Variants in SLC30A8 observed in about 807,000 individuals in gnomAD.
The protein encoded by SLC30A8 is proton-coupled zinc antiporter SLC30A8.
SLC30A8 carries 27 observed loss-of-function variants against 36.9 expected under a neutral mutation model. The observed-to-expected ratio is 0.73, with a 90% CI of 0.54 to 1.01. The LOEUF (loss-of-function observed/expected upper bound fraction) is 1.01, where lower values mean the gene tolerates loss of function less well. Among genes scored for constraint, SLC30A8 ranks in the 50% least tolerant of loss-of-function variants. SLC30A8 has a pLI of 0.00. For synonymous variants in SLC30A8, 164 were observed against 172.4 expected, an observed-to-expected ratio of 0.95 and a Z score of 0.38; for missense variants, 439 against 452.0, an observed-to-expected ratio of 0.97 and a Z score of 0.26.
intron 1 of SLC30A8, among the ~76,000 whole-genome samples, chr8:117,003,185 C>G (rs573699200): frequency 1.8e-4 from 28 of 152,250 alleles, no homozygotes; most frequent in African/African-American, 6.7e-4. Flanking sequence ...AAAACTCAGG[C>G]CCGCTAAGAC....
intron 2 of SLC30A8, among the ~76,000 whole-genome samples, chr8:117,124,609 C>G (rs1795820100): frequency 6.7e-6 from 1 of 150,178 alleles, no homozygotes; most frequent in Middle Eastern, 3.2e-3. Flanking sequence ...CATCCAATTT[C>G]CAATCTCAAA....
intron 1 of SLC30A8, among the ~76,000 whole-genome samples, chr8:117,017,149 A>G (rs1288496841): frequency 6.6e-6 from 1 of 152,186 alleles, no homozygotes; most frequent in Non-Finnish European, 1.5e-5. Context: ...AGATTAAATT[A>G]GTTAATATAT....
intron 2 of SLC30A8, among the ~76,000 whole-genome samples, chr8:117,069,710 C>G (rs1818271198): frequency 6.6e-6 from 1 of 152,206 alleles, no homozygotes; most frequent in African/African-American, 2.4e-5. Context: ...CTTGAATTTT[C>G]AGACTTCTGT....
At chr8:116,979,865 C>T (rs531905981) in intron 1 of SLC30A8, among the ~76,000 whole-genome samples, 22 of 152,048 alleles carry the variant, frequency 1.4e-4, no homozygotes, top group Non-Finnish European at 2.4e-4. Context: ...CATTCTCTTG[C>T]AGCAGAAATA....
intron 2 of SLC30A8, among the ~76,000 whole-genome samples, chr8:117,097,677 AAT>A (rs1257938952): frequency 3.1e-5 from 1 of 31,760 alleles, no homozygotes; most frequent in Non-Finnish European, 4.0e-5. Context: ...AATTTTAAAT[AAT>A]ATATATTATA....
intron 2 of SLC30A8, among the ~76,000 whole-genome samples, chr8:117,074,841 C>G (rs765351861): frequency 1.3e-5 from 2 of 152,182 alleles, no homozygotes; most frequent in Non-Finnish European, 2.9e-5. Flanking sequence ...TTATCTGCCT[C>G]TATAAAATTG....
chr8:117,147,187 AC>A (rs1563626116), intron 2 of SLC30A8, 34 bp downstream of exon 2: 2 of 1,580,478 alleles, frequency 1.3e-6, no homozygotes, highest in African/African-American at 1.3e-5. Context: ...TCATTAAACA[AC>A]CAAACAAAAC....
chr8:117,053,087 G>C (rs559988247), intron 2 of SLC30A8, among the ~76,000 whole-genome samples: 91 of 152,024 alleles, frequency 6.0e-4, no homozygotes, highest in African/African-American at 2.1e-3. Context: ...CTAAGTTTTT[G>C]TATTTTTAGT....
chr8:117,043,647 A>G (rs1475189231), intron 2 of SLC30A8, among the ~76,000 whole-genome samples: 4 of 152,232 alleles, frequency 2.6e-5, no homozygotes, highest in Non-Finnish European at 5.9e-5. Flanking sequence ...ATAGAAAAAT[A>G]TAATACGGAT....
intron 2 of SLC30A8, among the ~76,000 whole-genome samples, chr8:117,062,176 G>A (rs1020318790): frequency 3.0e-4 from 46 of 152,200 alleles, no homozygotes; most frequent in Non-Finnish European, 1.5e-4. Flanking sequence ...TAGGGACAGA[G>A]GCAGTCTTAG....
chr8:117,135,625 G>A (rs1228823802), intron 1 of SLC30A8, among the ~76,000 whole-genome samples: 2 of 151,880 alleles, frequency 1.3e-5, no homozygotes, highest in Non-Finnish European at 1.5e-5. Context: ...ACATTTTACT[G>A]ATGTGTTTTT....
Position 117,175,427 on chromosome 8 carries a change from A to AAAT in SLC30A8, c.*2747_*2749dup, listed in dbSNP as rs540439363. The AAAT allele has an allele frequency of 1.5e-3, 223 of 152,226 alleles. 3 individuals carry two copies. The highest frequency in any genetic ancestry group is 5.2e-3 in the African/African-American group (218 of 41,558). The allele number at this position is 152,226 out of a possible 1,614,324, so 9.4% of individuals were successfully genotyped here. A position where few individuals can be genotyped will look rare whatever the true frequency, so the allele number is the denominator to read the frequency against. On this transcript the variant is annotated 3_prime_UTR_variant, in exon 8 of 8. Transcript: ENST00000456015. ...TTCCATATGTTTGGTTACAGATGGG[A>AAAT]AATGGGAATGTTGAAGGACATGAAA...
intron 1 of SLC30A8, among the ~76,000 whole-genome samples, chr8:117,005,316 A>T (rs377202449): frequency 6.6e-6 from 1 of 152,176 alleles, no homozygotes; most frequent in Non-Finnish European, 1.5e-5. Context: ...CACATAAATC[A>T]TATGTCTTTT....
intron 2 of SLC30A8, among the ~76,000 whole-genome samples, chr8:117,083,857 T>C (rs1204034186): frequency 6.6e-6 from 1 of 152,140 alleles, no homozygotes; most frequent in East Asian, 1.9e-4. Context: ...TAACCTATCC[T>C]GACTAATAAT....
intron 2 of SLC30A8, among the ~76,000 whole-genome samples, chr8:117,041,415 C>T (rs567565173): frequency 1.6e-4 from 24 of 152,166 alleles, no homozygotes; most frequent in Non-Finnish European, 3.2e-4. Context: ...GGGCTGGGCA[C>T]GGTGGCTCAC....
At chr8:116,959,841 T>G (rs1455321127) in intron 1 of SLC30A8, among the ~76,000 whole-genome samples, 1 of 152,210 alleles carries the variant, frequency 6.6e-6, no homozygotes, top group Non-Finnish European at 1.5e-5. Flanking sequence ...TCTGTGCACA[T>G]GGGCAATTTT....
chr8:117,168,067 A>G (rs1266062938), intron 6 of SLC30A8, among the ~76,000 whole-genome samples: 5 of 151,900 alleles, frequency 3.3e-5, no homozygotes, highest in African/African-American at 1.2e-4. Context: ...TACCAGGAGA[A>G]CGGTATGGGG....
intron 1 of SLC30A8, among the ~76,000 whole-genome samples, chr8:116,960,251 A>G (rs1010058226): frequency 3.8e-4 from 58 of 152,242 alleles, no homozygotes; most frequent in African/African-American, 1.3e-3. Context: ...GTAAGGACCA[A>G]TGAAGTAATG....
intron 2 of SLC30A8, among the ~76,000 whole-genome samples, chr8:117,100,599 G>A (rs1819668954): frequency 6.6e-6 from 1 of 152,128 alleles, no homozygotes; most frequent in African/African-American, 2.4e-5. Flanking sequence ...GGCACTTGCA[G>A]GTCTTCTACA....
Sources: allele counts gnomAD v4.1 joint callset (sites outside exome capture counted in the v4.1 genomes callset), GRCh38; gene constraint gnomAD v4.1.1; transcripts MANE v1.5; gene names NCBI Gene and HGNC (gene_info 2026-07-23, HGNC 2026-07-21).